PDE4D: variants seen among roughly 807,000 people sequenced by gnomAD.
The protein encoded by PDE4D is 3',5'-cyclic-AMP phosphodiesterase 4D.
PDE4D carries 24 observed loss-of-function variants against 87.4 expected under a neutral mutation model. That is an observed-to-expected ratio of 0.27 (90% CI 0.20 to 0.39). PDE4D has a LOEUF of 0.39. Among genes scored for constraint, PDE4D ranks in the 10% least tolerant of loss-of-function variants. The probability of loss-of-function intolerance (pLI) is 1.00; values close to 1 mark genes in which losing one functional copy is unlikely to be tolerated. For synonymous variants in PDE4D, 384 were observed against 383.2 expected, an observed-to-expected ratio of 1.00 and a Z score of -0.02; for missense variants, 714 against 1,041.0, an observed-to-expected ratio of 0.69 and a Z score of 4.32.
intron 1 of PDE4D, among the ~76,000 whole-genome samples, chr5:60,501,064 T>C (rs942019960): frequency 6.6e-6 from 1 of 152,150 alleles, no homozygotes; most frequent in African/African-American, 2.4e-5. Flanking sequence ...GTTAGTTACA[T>C]ATGTATACAT....
intron 5 of PDE4D, among the ~76,000 whole-genome samples, chr5:59,065,325 T>C (rs1351188800): frequency 6.6e-6 from 1 of 152,044 alleles, no homozygotes; most frequent in Non-Finnish European, 1.5e-5. Context: ...TGCCAGAGGC[T>C]GGGGGAAGAT....
intron 1 of PDE4D, among the ~76,000 whole-genome samples, chr5:59,616,943 A>ATATATATC (rs1351290068): frequency 7.2e-6 from 1 of 139,162 alleles, no homozygotes; most frequent in Non-Finnish European, 1.6e-5. Flanking sequence ...ATATATATAT[A>ATATATATC]TATCTCCAAG....
chr5:59,992,202 C>A (rs1763079335), intron 2 of PDE4D, among the ~76,000 whole-genome samples: 1 of 152,172 alleles, frequency 6.6e-6, no homozygotes, highest in African/African-American at 2.4e-5. Flanking sequence ...AGACTGAAAA[C>A]AGCTTTCCTA....
At chr5:60,510,165 C>A (rs796629492) in intron 1 of PDE4D, among the ~76,000 whole-genome samples, 37 of 152,254 alleles carry the variant, frequency 2.4e-4, no homozygotes, top group African/African-American at 8.2e-4. Flanking sequence ...AGTAAGAGAG[C>A]CCTAAGCAGC....
At chr5:59,219,965 C>T (rs953239335) in intron 1 of PDE4D, among the ~76,000 whole-genome samples, 4 of 151,990 alleles carry the variant, frequency 2.6e-5, no homozygotes, top group Non-Finnish European at 5.9e-5. Flanking sequence ...CATTTAGTGT[C>T]TGGCTAAATT....
chr5:59,010,346 C>T (rs1874859), intron 6 of PDE4D, among the ~76,000 whole-genome samples: 1 of 151,450 alleles, frequency 6.6e-6, no homozygotes, highest in African/African-American at 2.4e-5. Flanking sequence ...ATAAGAGAAG[C>T]CTTTAGGTGA....
chr5:60,138,944 G>GT (rs1780289411), intron 2 of PDE4D, among the ~76,000 whole-genome samples: 1 of 151,760 alleles, frequency 6.6e-6, no homozygotes, highest in East Asian at 1.9e-4. Context: ...GTTTTTTGGG[G>GT]TTTTTTTGTT....
At chr5:60,204,406 C>A (rs778948064) in intron 1 of PDE4D, among the ~76,000 whole-genome samples, 3 of 152,112 alleles carry the variant, frequency 2.0e-5, no homozygotes, top group Non-Finnish European at 2.9e-5. Flanking sequence ...TATTTCCAAT[C>A]GGAAGTAACT....
Position 60,152,628 on chromosome 5 carries a change from G to C in PDE4D, c.42+32929C>G, listed in dbSNP as rs547760851. Among the ~76,000 whole-genome samples the C allele has an allele frequency of 3.4e-5, 5 of 148,610 alleles. No homozygotes were observed. The East Asian group carries it at 9.8e-4, about 29-fold the overall frequency. On this transcript the variant is annotated intron_variant, in intron 2 of 16. Coordinates refer to the PDE4D transcript ENST00000502484. Reference sequence around the variant, plus strand: ...AGATTGCACCACTGCACTCCAGCCTGGGTGACAGAGCAAGACTCTGTCTCA... The same window carrying C: ...AGATTGCACCACTGCACTCCAGCCTCGGTGACAGAGCAAGACTCTGTCTCA...
intron 1 of PDE4D, among the ~76,000 whole-genome samples, chr5:59,781,755 A>T (rs1226264495): frequency 7.8e-6 from 1 of 128,638 alleles, no homozygotes; most frequent in Non-Finnish European, 1.6e-5. Context: ...ACTGCACTCC[A>T]GCCTGGGCGA....
chr5:59,240,273 G>C (rs1317947405), intron 1 of PDE4D, among the ~76,000 whole-genome samples: 1 of 152,086 alleles, frequency 6.6e-6, no homozygotes, highest in African/African-American at 2.4e-5. Context: ...GAAAGGATGT[G>C]ACTTTAACCC....
intron 5 of PDE4D, among the ~76,000 whole-genome samples, chr5:59,127,600 T>TCCCCACCCC (rs1554075631): frequency 7.2e-5 from 7 of 97,002 alleles, no homozygotes; most frequent in African/African-American, 1.6e-4. Flanking sequence ...CTTCTTTCCC[T>TCCCCACCCC]CCCCACCCCC....
chr5:59,306,021 A>G (rs1011268431), intron 1 of PDE4D, among the ~76,000 whole-genome samples: 1 of 152,076 alleles, frequency 6.6e-6, no homozygotes, highest in African/African-American at 2.4e-5. Flanking sequence ...GTTGCTGTCT[A>G]TCTCATTTCT....
Position 60,352,317 on chromosome 5 carries a change from A to G in PDE4D, c.-90+135625T>C, listed in dbSNP as rs528709158. Among the ~76,000 whole-genome samples the G allele has an allele frequency of 3.3e-5, 5 of 152,266 alleles. No homozygotes were observed. In the South Asian group the frequency reaches 1.0e-3, roughly 32 times the overall value. On this transcript the variant is annotated intron_variant, in intron 1 of 16. Coordinates refer to the PDE4D transcript ENST00000502484. ...GTTTGCATTTCTCTCTTCTCTCTGG[A>G]GACTGACTAGGATGCACAGTCCTTC...
chr5:59,695,393 G>A (rs1377857078), intron 1 of PDE4D, among the ~76,000 whole-genome samples: 1 of 151,800 alleles, frequency 6.6e-6, no homozygotes, highest in Non-Finnish European at 1.5e-5. Flanking sequence ...TGTCATCTCT[G>A]TGCATAACAC....
chr5:59,639,104 CATT>C (rs1554049327), intron 1 of PDE4D, among the ~76,000 whole-genome samples: 1 of 152,056 alleles, frequency 6.6e-6, no homozygotes, highest in Non-Finnish European at 1.5e-5. Context: ...TTTCTATGCA[CATT>C]ATTTAATAAT....
intron 1 of PDE4D, among the ~76,000 whole-genome samples, chr5:60,193,707 A>G (rs969465128): frequency 6.6e-6 from 1 of 150,626 alleles, no homozygotes; most frequent in Non-Finnish European, 1.5e-5. Context: ...GAAAAAGAAA[A>G]AAAGAAAAGA....
At chr5:59,543,064 T>C (rs1386427118) in intron 1 of PDE4D, among the ~76,000 whole-genome samples, 1 of 152,144 alleles carries the variant, frequency 6.6e-6, no homozygotes, top group Admixed American at 6.6e-5. Flanking sequence ...CTGAATCAGA[T>C]CATGTTTGAC....
At chr5:59,682,059 A>C (rs1367452286) in intron 1 of PDE4D, among the ~76,000 whole-genome samples, 2 of 152,076 alleles carry the variant, frequency 1.3e-5, no homozygotes, top group East Asian at 3.9e-4. Context: ...AGCCAAATAA[A>C]TTCTATTCAT....
Sources: allele counts gnomAD v4.1 joint callset (sites outside exome capture counted in the v4.1 genomes callset), GRCh38; gene constraint gnomAD v4.1.1; transcripts MANE v1.5; gene names NCBI Gene and HGNC (gene_info 2026-07-23, HGNC 2026-07-21).